FSTL5: variants seen among roughly 807,000 people sequenced by gnomAD.
The protein encoded by FSTL5 is follistatin like 5.
In FSTL5, 62 loss-of-function variants were observed where a neutral mutation model predicts 89.1. That is an observed-to-expected ratio of 0.70 (90% CI 0.57 to 0.86). The LOEUF (loss-of-function observed/expected upper bound fraction) is 0.86, where lower values mean the gene tolerates loss of function less well. Among genes scored for constraint, FSTL5 ranks in the 40% least tolerant of loss-of-function variants. The probability of loss-of-function intolerance (pLI) is 0.00; values close to 1 mark genes in which losing one functional copy is unlikely to be tolerated. For missense variants in FSTL5, 1,057 were observed against 1,001.6 expected, an observed-to-expected ratio of 1.06 and a Z score of -0.75; for synonymous variants, 383 against 346.2, an observed-to-expected ratio of 1.11 and a Z score of -1.18.
At chr4:161,682,607 C>T (rs1737562486) in intron 6 of FSTL5, among the ~76,000 whole-genome samples, 1 of 32,362 alleles carries the variant, frequency 3.1e-5, no homozygotes, top group Non-Finnish European at 1.3e-4. Context: ...TTATCACCAT[C>T]TTCCCACCTC....
intron 13 of FSTL5, among the ~76,000 whole-genome samples, chr4:161,462,894 C>A (rs1035601844): frequency 3.3e-5 from 5 of 151,688 alleles, no homozygotes; most frequent in African/African-American, 1.2e-4. Context: ...GAAAAGAGCA[C>A]TTAAAATAAC....
At chr4:161,692,096 T>C in intron 6 of FSTL5, among the ~76,000 whole-genome samples, 1 of 152,160 alleles carries the variant, frequency 6.6e-6, no homozygotes, top group East Asian at 1.9e-4. Context: ...TGTTTTCATG[T>C]ATGACTTGCA....
chr4:161,697,546 G>T (rs1455529517), intron 6 of FSTL5, among the ~76,000 whole-genome samples: 1 of 152,144 alleles, frequency 6.6e-6, no homozygotes, highest in African/African-American at 2.4e-5. Flanking sequence ...AGAGATGTCT[G>T]CATTCCCATG....
At position 162,033,633 on chromosome 4, in the gene FSTL5, CTT is replaced by C; in HGVS notation, c.150_151del (p.Arg51SerfsTer15). On this transcript the variant is annotated frameshift_variant, in exon 3 of 16. Transcript: ENST00000306100. LOFTEE classifies it high-confidence loss of function. ...AAGCAATCATTTCTTACCTTTGACT[CTT>C]GAACTTTCTTGATTTTTTTCCTGCT... 1 of 1,489,754 alleles carries C rather than the reference CTT, an allele frequency of 6.7e-7. No individual in the cohort carries two copies. Among genetic ancestry groups the C allele is most frequent in the East Asian group, 2.3e-5 (1 of 43,040 alleles). The allele number at this position is 1,489,754 out of a possible 1,614,324, so 92.3% of individuals were successfully genotyped here. A position where few individuals can be genotyped will look rare whatever the true frequency, so the allele number is the denominator to read the frequency against.
intron 1 of FSTL5, among the ~76,000 whole-genome samples, chr4:162,133,831 G>A (rs1001351047): frequency 1.3e-5 from 2 of 152,192 alleles, no homozygotes; most frequent in Admixed American, 1.3e-4. Context: ...CATACATTTA[G>A]AGAAATTCAA....
intron 3 of FSTL5, among the ~76,000 whole-genome samples, chr4:162,020,024 C>T (rs572759627): frequency 4.3e-4 from 65 of 151,194 alleles, no homozygotes; most frequent in African/African-American, 1.5e-3. Context: ...TGAGTACCTA[C>T]AAGATTCCAG....
chr4:161,850,933 C>T (rs1731529129), intron 4 of FSTL5, among the ~76,000 whole-genome samples: 1 of 152,092 alleles, frequency 6.6e-6, no homozygotes, highest in African/African-American at 2.4e-5. Context: ...GGAAGAATAG[C>T]CAATGGGCTT....
In FSTL5 at chr4:162,148,258, A is replaced by T. The variant is rs186652395; in HGVS notation, c.-17+15357T>A. Among the ~76,000 whole-genome samples the T allele has an allele frequency of 1.6e-3, 244 of 152,274 alleles. 1 individual carries two copies. The highest frequency in any genetic ancestry group is 5.5e-3 in the African/African-American group (230 of 41,562). On this transcript the variant is annotated intron_variant, in intron 1 of 15. Coordinates refer to ENST00000306100, the MANE Select transcript of FSTL5 (RefSeq NM_020116.5). ...AGACAATTCCAAGCTGGTTGACCAA[A>T]TCTTCCCTCTGAATATCTCAACTAG...
At chr4:162,041,306 G>C (rs1025137800) in intron 2 of FSTL5, among the ~76,000 whole-genome samples, 4 of 151,744 alleles carry the variant, frequency 2.6e-5, no homozygotes, top group South Asian at 4.2e-4. Context: ...ATTCAAAAGA[G>C]TGCATGATAA....
At chr4:161,407,843 A>G (rs1731439359) in intron 15 of FSTL5, among the ~76,000 whole-genome samples, 1 of 152,124 alleles carries the variant, frequency 6.6e-6, no homozygotes, top group African/African-American at 2.4e-5. Context: ...GCTTTGCTCC[A>G]CCTCAATGTG....
chr4:161,689,261 T>C (rs1004357412), intron 6 of FSTL5, among the ~76,000 whole-genome samples: 2 of 152,116 alleles, frequency 1.3e-5, no homozygotes, highest in Non-Finnish European at 2.9e-5. Flanking sequence ...AGAGAAAGCA[T>C]TTTTTTCTTT....
At chr4:161,591,658 T>TA (rs1369628613) in intron 7 of FSTL5, among the ~76,000 whole-genome samples, 2 of 152,198 alleles carry the variant, frequency 1.3e-5, no homozygotes, top group Non-Finnish European at 2.9e-5. Context: ...TCTTGCATTC[T>TA]AAAACATTGC....
intron 7 of FSTL5, among the ~76,000 whole-genome samples, chr4:161,639,126 A>G (rs1938028206): frequency 6.6e-6 from 1 of 152,072 alleles, no homozygotes; most frequent in Admixed American, 6.5e-5. Flanking sequence ...TCTATTCAAC[A>G]TAGTGTTGGA....
At chr4:162,066,783 T>C (rs2111298285) in intron 2 of FSTL5, among the ~76,000 whole-genome samples, 1 of 152,170 alleles carries the variant, frequency 6.6e-6, no homozygotes, top group South Asian at 2.1e-4. Context: ...TATGGCTGCA[T>C]AGTATTCCAT....
In FSTL5 at chr4:161,632,492, A is replaced by G. The variant is rs112108533; in HGVS notation, c.894+23836T>C. Among the ~76,000 whole-genome samples, 543 of 152,344 alleles carry G rather than the reference A, an allele frequency of 3.6e-3. 2 individuals are homozygous for G. Among genetic ancestry groups the G allele is most frequent in the African/African-American group, 0.012 (514 of 41,576 alleles). On this transcript the variant is annotated intron_variant, in intron 7 of 15. Coordinates refer to ENST00000306100, the MANE Select transcript of FSTL5 (RefSeq NM_020116.5). ...GTTTTTCAAAGTCCTAAAAATATGTATCATTTAATGGCCAAATAACATGGC... is the reference window on the plus strand; with the variant it reads ...GTTTTTCAAAGTCCTAAAAATATGTGTCATTTAATGGCCAAATAACATGGC...
At chr4:162,035,088 T>A (rs1737679307) in intron 2 of FSTL5, 1 of 152,162 alleles carries the variant, frequency 6.6e-6, no homozygotes, top group South Asian at 2.1e-4. Flanking sequence ...GGACATTTGT[T>A]AATGAGAATC....
chr4:161,524,603 C>T (rs1731147497), intron 10 of FSTL5, among the ~76,000 whole-genome samples: 1 of 151,940 alleles, frequency 6.6e-6, no homozygotes, highest in African/African-American at 2.4e-5. Context: ...GCCTTCTTGT[C>T]TAGTATTGTA....
At chr4:161,900,542 G>C (rs566795766) in intron 4 of FSTL5, among the ~76,000 whole-genome samples, 1 of 149,770 alleles carries the variant, frequency 6.7e-6, no homozygotes, top group Non-Finnish European at 1.5e-5. Flanking sequence ...AGGAGACTGA[G>C]GCAGGAGAAT....
At chr4:161,900,608 C>T (rs1733325543) in intron 4 of FSTL5, among the ~76,000 whole-genome samples, 1 of 130,076 alleles carries the variant, frequency 7.7e-6, no homozygotes, top group Non-Finnish European at 1.5e-5. Context: ...CACTGCACTC[C>T]AGCCTGGGTG....
Sources: allele counts gnomAD v4.1 joint callset (sites outside exome capture counted in the v4.1 genomes callset), GRCh38; gene constraint gnomAD v4.1.1; transcripts MANE v1.5; gene names NCBI Gene and HGNC (gene_info 2026-07-23, HGNC 2026-07-21).